Variants in TBC1D12 observed in about 807,000 individuals in gnomAD.
TBC1D12 encodes the protein TBC1 domain family, member 12.
A neutral mutation model predicts 86.7 loss-of-function variants in TBC1D12; 56 were observed. The ratio of observed to expected loss-of-function variants is 0.65; its 90% CI spans 0.52 to 0.81. The LOEUF is 0.81. Ranked by LOEUF, TBC1D12 falls within the 30% of genes least tolerant of loss-of-function variation. The probability of loss-of-function intolerance (pLI) is 0.00; values close to 1 mark genes in which losing one functional copy is unlikely to be tolerated. For synonymous variants in TBC1D12, 421 were observed against 411.7 expected (o/e 1.02, Z -0.27); for missense variants, 1,023 against 1,038.8 (o/e 0.98, Z 0.21).
chr10:94,403,660 G>GCCGGAA, intron 1 of TBC1D12, 76 bp downstream of exon 1: 2 of 1,378,582 alleles, frequency 1.5e-6, no homozygotes, highest in South Asian at 1.7e-5. Flanking sequence ...GGGAGTCGGA[G>GCCGGAA]CCGGAGCCGG....
intron 11 of TBC1D12, among the ~76,000 whole-genome samples, chr10:94,528,186 A>G (rs1842344532): frequency 1.3e-5 from 2 of 152,066 alleles, no homozygotes; most frequent in Non-Finnish European, 2.9e-5. Context: ...CATTTGAACA[A>G]TATTAATTCT....
At chr10:94,490,808 A>G (rs954681224) in intron 3 of TBC1D12, among the ~76,000 whole-genome samples, 19 of 152,032 alleles carry the variant, frequency 1.2e-4, no homozygotes, top group Admixed American at 2.6e-4. Context: ...ACTCTTATCT[A>G]TCAGGAGGCC....
chr10:94,528,077 A>G (rs1029543563), intron 11 of TBC1D12, among the ~76,000 whole-genome samples: 24 of 151,090 alleles, frequency 1.6e-4, no homozygotes, highest in African/African-American at 5.3e-4. Flanking sequence ...TTGAGGTTTT[A>G]TATAAATTTT....
chr10:94,514,657 C>T (rs1200051773), intron 9 of TBC1D12, among the ~76,000 whole-genome samples: 2 of 152,310 alleles, frequency 1.3e-5, no homozygotes, highest in East Asian at 1.9e-4. Context: ...TCTCTCATCC[C>T]ATTCATCTGT....
intron 2 of TBC1D12, among the ~76,000 whole-genome samples, chr10:94,468,837 T>A (rs1373110829): frequency 6.6e-6 from 1 of 152,220 alleles, no homozygotes; most frequent in Non-Finnish European, 1.5e-5. Flanking sequence ...CTTATATTTC[T>A]TCAATTTTTT....
intron 11 of TBC1D12, among the ~76,000 whole-genome samples, chr10:94,530,427 AAGAG>A (rs990209970): frequency 1.3e-5 from 2 of 152,238 alleles, no homozygotes; most frequent in African/African-American, 2.4e-5. Flanking sequence ...GGGAAGAGAA[AAGAG>A]AGAAGTCAGA....
intron 2 of TBC1D12, among the ~76,000 whole-genome samples, chr10:94,449,952 C>T (rs1220152504): frequency 6.6e-6 from 1 of 152,252 alleles, no homozygotes; most frequent in Admixed American, 6.5e-5. Context: ...CGCTACAAAA[C>T]GCAAGGCATC....
At chr10:94,428,717 T>C (rs2134071631) in intron 1 of TBC1D12, among the ~76,000 whole-genome samples, 1 of 152,194 alleles carries the variant, frequency 6.6e-6, no homozygotes, top group Non-Finnish European at 1.5e-5. Context: ...TGTAGGTTCA[T>C]TGACTTTTTT....
At chr10:94,426,161 C>T (rs2055142696) in intron 1 of TBC1D12, among the ~76,000 whole-genome samples, 1 of 151,842 alleles carries the variant, frequency 6.6e-6, no homozygotes, top group Non-Finnish European at 1.5e-5. Context: ...TTTTTCTTGT[C>T]TTATTGCATT....
intron 1 of TBC1D12, among the ~76,000 whole-genome samples, chr10:94,414,568 C>A (rs1001269132): frequency 6.6e-6 from 1 of 151,784 alleles, no homozygotes; most frequent in Non-Finnish European, 1.5e-5. Context: ...TCCCTGTCTC[C>A]CAGTGGCTTC....
At chr10:94,447,077 C>A (rs1277020523) in intron 2 of TBC1D12, among the ~76,000 whole-genome samples, 45 of 131,212 alleles carry the variant, frequency 3.4e-4, no homozygotes, top group African/African-American at 5.0e-4. Flanking sequence ...AAAAAAAAAA[C>A]CTTTTTTATG....
Position 94,472,961 on chromosome 10 carries a change from A to T in TBC1D12, c.1096-1707A>T, listed in dbSNP as rs142911035. On this transcript the variant is annotated intron_variant, in intron 2 of 12. Transcript: ENST00000225235. ...ATGCAGAACTAAAGATGAATATGAA[A>T]CTTTATAAACAGTGGCTGGAACCAC... is the stretch of plus-strand genomic sequence containing the variant. 1.5e-3 allele frequency among the ~76,000 whole-genome samples: 235 copies of T among 152,296 alleles called. 1 individual carries two copies. The highest frequency in any genetic ancestry group is 2.7e-3 in the Non-Finnish European group (186 of 68,026).
At chr10:94,500,904 A>C (rs1430409913) in intron 6 of TBC1D12, among the ~76,000 whole-genome samples, 1 of 151,976 alleles carries the variant, frequency 6.6e-6, no homozygotes, top group African/African-American at 2.4e-5. Context: ...AAAAATACAA[A>C]AATTAGCTGG....
At chr10:94,528,601 C>T (rs570229257) in intron 11 of TBC1D12, among the ~76,000 whole-genome samples, 5 of 152,090 alleles carry the variant, frequency 3.3e-5, no homozygotes, top group Non-Finnish European at 4.4e-5. Context: ...GCGGGTGGAT[C>T]GTCTGAGGTC....
In TBC1D12 at chr10:94,533,119, T is replaced by A; in HGVS notation, c.*23T>A. Reference sequence around the variant, plus strand: ...TAGTCTTCAAAATTGACAGACTAACTGACATAGAAAAAGTGGTTTTTGGAT... The same window carrying A: ...TAGTCTTCAAAATTGACAGACTAACAGACATAGAAAAAGTGGTTTTTGGAT... On this transcript the variant is annotated 3_prime_UTR_variant, in exon 13 of 13. Coordinates refer to ENST00000225235, the MANE Select transcript of TBC1D12 (RefSeq NM_015188.2). 6.6e-7 allele frequency: 1 copy of A among 1,513,250 alleles called. No homozygotes were observed. Among genetic ancestry groups the A allele is most frequent in the South Asian group, 1.3e-5 (1 of 79,550 alleles). The allele number at this position is 1,513,250 out of a possible 1,614,324, so 93.7% of individuals were successfully genotyped here. A position where few individuals can be genotyped will look rare whatever the true frequency, so the allele number is the denominator to read the frequency against.
chr10:94,531,538 AAGTT>A, intron 12 of TBC1D12, 78 bp downstream of exon 12: 3 of 1,394,820 alleles, frequency 2.2e-6, no homozygotes, highest in Non-Finnish European at 1.9e-6. Context: ...TATTTCTTAA[AAGTT>A]AGTACTTAAA....
rs565470693 is a variant in TBC1D12 at position 94,446,281 on chromosome 10, A to C, written c.1095+4262A>C. On this transcript the variant is annotated intron_variant, in intron 2 of 12. Transcript: ENST00000225235. ...TATTACGTTTGGAATCAGAAACCGA[A>C]AGTGAATATAGTATCAGTAAAGCCA... Among the ~76,000 whole-genome samples the C allele has an allele frequency of 3.3e-5, 5 of 152,338 alleles. No homozygotes were observed. The South Asian group carries it at 8.3e-4, about 25-fold the overall frequency.
At chr10:94,436,023 C>G (rs1373773967) in intron 1 of TBC1D12, among the ~76,000 whole-genome samples, 1 of 151,982 alleles carries the variant, frequency 6.6e-6, no homozygotes, top group Non-Finnish European at 1.5e-5. Context: ...TTTCTTTATC[C>G]CTGGGTCAAT....
chr10:94,527,082 T>TTGTGTGTGTGTGTG (rs60647037), intron 11 of TBC1D12, among the ~76,000 whole-genome samples: 23 of 148,346 alleles, frequency 1.6e-4, no homozygotes, highest in African/African-American at 4.7e-4. Context: ...GCTGGATTGA[T>TTGTGTGTGTGTGTG]TGTGTGTGTG....
Sources: allele counts gnomAD v4.1 joint callset (sites outside exome capture counted in the v4.1 genomes callset), GRCh38; gene constraint gnomAD v4.1.1; transcripts MANE v1.5; gene names NCBI Gene and HGNC (gene_info 2026-07-23, HGNC 2026-07-21).